Variants in LINGO2 observed in about 807,000 individuals in gnomAD.
The protein encoded by LINGO2 is leucine-rich repeat and immunoglobulin-like domain-containing nogo receptor-interacting protein 2.
A neutral mutation model predicts 30.6 loss-of-function variants in LINGO2; 14 were observed. The observed-to-expected ratio is 0.46, with a 90% CI of 0.30 to 0.72. LINGO2 has a LOEUF of 0.72. Among genes scored for constraint, LINGO2 ranks in the 30% least tolerant of loss-of-function variants. The pLI, the probability that LINGO2 is intolerant of heterozygous loss-of-function variation, is 0.07. For missense variants in LINGO2, 729 were observed against 751.7 expected (o/e 0.97, Z 0.35); for synonymous variants, 317 against 288.5 (o/e 1.10, Z -1.00).
chr9:28,772,872 A>G, the LINGO2 span, among the ~76,000 whole-genome samples: 1 of 152,188 alleles, frequency 6.6e-6, no homozygotes, highest in Non-Finnish European at 1.5e-5. Flanking sequence ...TCTACAACAC[A>G]AACTCACACC....
intron 3 of LINGO2, among the ~76,000 whole-genome samples, chr9:28,302,538 G>T (rs1824187655): frequency 6.6e-6 from 1 of 152,098 alleles, no homozygotes; most frequent in Admixed American, 6.6e-5. Context: ...AGGCCTGGTG[G>T]CACACACCTG....
intron 4 of LINGO2, among the ~76,000 whole-genome samples, chr9:28,266,515 A>C (rs962699206): frequency 6.6e-6 from 1 of 151,950 alleles, no homozygotes; most frequent in Non-Finnish European, 1.5e-5. Context: ...TAGACACCCT[A>C]CAATTTCAAA....
intron 4 of LINGO2, among the ~76,000 whole-genome samples, chr9:28,019,319 G>GTTT (rs3064662): frequency 0.059 from 8,339 of 141,958 alleles, 634 homozygotes; most frequent in East Asian, 0.36. Context: ...GGGAATATAT[G>GTTT]TTTTTTTTTT....
chr9:28,749,671 A>G, the LINGO2 span, among the ~76,000 whole-genome samples: 12 of 152,058 alleles, frequency 7.9e-5, no homozygotes, highest in African/African-American at 2.9e-4. Context: ...GGAGATAAGT[A>G]ATTTGTCCAA....
At chr9:28,434,340 G>T (rs1293030591) in intron 2 of LINGO2, among the ~76,000 whole-genome samples, 1 of 65,062 alleles carries the variant, frequency 1.5e-5, no homozygotes. Flanking sequence ...AAAAAATTAA[G>T]AAAAAAAGGA....
the LINGO2 span, among the ~76,000 whole-genome samples, chr9:29,201,582 T>G: frequency 1.3e-5 from 2 of 150,564 alleles, no homozygotes; most frequent in Non-Finnish European, 3.0e-5. Context: ...TAAGATGCAA[T>G]GAAACTGTTA....
intron 1 of LINGO2, among the ~76,000 whole-genome samples, chr9:28,532,377 TG>T (rs1248609407): frequency 5.9e-5 from 9 of 152,172 alleles, no homozygotes; most frequent in Non-Finnish European, 1.2e-4. Flanking sequence ...AACTGTTTTT[TG>T]TTGTTGTTAA....
intron 4 of LINGO2, among the ~76,000 whole-genome samples, chr9:28,202,090 G>T (rs1475297547): frequency 6.6e-6 from 1 of 151,980 alleles, no homozygotes; most frequent in African/African-American, 2.4e-5. Context: ...TTTTTTCTGT[G>T]CATTTACCTG....
At chr9:29,011,462 A>T in the LINGO2 span, among the ~76,000 whole-genome samples, 1 of 152,178 alleles carries the variant, frequency 6.6e-6, no homozygotes, top group East Asian at 1.9e-4. Context: ...CCATGAGAAG[A>T]GTTTTCTTGT....
intron 1 of LINGO2, among the ~76,000 whole-genome samples, chr9:28,635,810 T>C (rs908662985): frequency 6.6e-6 from 1 of 151,878 alleles, no homozygotes; most frequent in African/African-American, 2.4e-5. Flanking sequence ...AGTTCAGAGG[T>C]TTTTTGTTTG....
the LINGO2 span, among the ~76,000 whole-genome samples, chr9:28,875,920 G>C: frequency 6.6e-6 from 1 of 151,858 alleles, no homozygotes; most frequent in Non-Finnish European, 1.5e-5. Context: ...CCTTGTTAAA[G>C]CCATTCACAT....
intron 3 of LINGO2, among the ~76,000 whole-genome samples, chr9:28,353,764 C>T (rs1820027342): frequency 6.6e-6 from 1 of 151,960 alleles, no homozygotes; most frequent in East Asian, 1.9e-4. Flanking sequence ...AAATGTCCAA[C>T]AATGATAGAC....
At chr9:29,191,566 CTG>C in the LINGO2 span, among the ~76,000 whole-genome samples, 1 of 152,004 alleles carries the variant, frequency 6.6e-6, no homozygotes, top group Non-Finnish European at 1.5e-5. Flanking sequence ...ATTACTCTCA[CTG>C]TTTTCCATCT....
chr9:29,128,999 G>T, the LINGO2 span, among the ~76,000 whole-genome samples: 2 of 152,074 alleles, frequency 1.3e-5, no homozygotes, highest in African/African-American at 4.8e-5. Flanking sequence ...AGAATTGTCA[G>T]CATATATTTT....
chr9:28,536,588 G>T (rs538011104), intron 1 of LINGO2, among the ~76,000 whole-genome samples: 5 of 152,014 alleles, frequency 3.3e-5, no homozygotes, highest in Non-Finnish European at 7.4e-5. Context: ...TGCATGGGTC[G>T]CTGAATAATT....
At chr9:28,530,818 A>G (rs1821205284) in intron 1 of LINGO2, among the ~76,000 whole-genome samples, 1 of 151,966 alleles carries the variant, frequency 6.6e-6, no homozygotes, top group African/African-American at 2.4e-5. Context: ...TTAATTGCTT[A>G]TATATGTGTA....
the LINGO2 span, among the ~76,000 whole-genome samples, chr9:29,118,975 G>C: frequency 6.6e-6 from 1 of 152,130 alleles, no homozygotes; most frequent in African/African-American, 2.4e-5. Flanking sequence ...TTTTACCATG[G>C]TCTGGAATCA....
chr9:28,476,424 C>T (rs954973868), intron 1 of LINGO2, among the ~76,000 whole-genome samples: 5 of 151,988 alleles, frequency 3.3e-5, no homozygotes, highest in East Asian at 1.9e-4. Context: ...TACAGGCGCC[C>T]GCCACCACGC....
At chr9:28,465,697 T>A (rs971564634) in intron 2 of LINGO2, among the ~76,000 whole-genome samples, 1 of 152,148 alleles carries the variant, frequency 6.6e-6, no homozygotes, top group Non-Finnish European at 1.5e-5. Context: ...GAGAAAATAT[T>A]TGCAAACTAC....
Sources: allele counts gnomAD v4.1 joint callset (sites outside exome capture counted in the v4.1 genomes callset), GRCh38; gene constraint gnomAD v4.1.1; transcripts MANE v1.5; gene names NCBI Gene and HGNC (gene_info 2026-07-23, HGNC 2026-07-21).